GRXCR1: variants seen among roughly 807,000 people sequenced by gnomAD.
The protein encoded by GRXCR1 is glutaredoxin domain-containing cysteine-rich protein 1.
A neutral mutation model predicts 27.3 loss-of-function variants in GRXCR1; 27 were observed. That is an observed-to-expected ratio of 0.99 (90% CI 0.73 to 1.37). The LOEUF (loss-of-function observed/expected upper bound fraction) is 1.37, where lower values mean the gene tolerates loss of function less well. GRXCR1 is among the 40% of genes most tolerant of loss of function. The pLI is 0.00. For missense variants in GRXCR1, 379 were observed against 354.4 expected (o/e 1.07, Z -0.56); for synonymous variants, 122 against 131.1 (o/e 0.93, Z 0.47).
At chr4:42,909,755 T>C (rs948916814) in intron 1 of GRXCR1, among the ~76,000 whole-genome samples, 1 of 152,186 alleles carries the variant, frequency 6.6e-6, no homozygotes, top group Non-Finnish European at 1.5e-5. Flanking sequence ...CTGATCATGT[T>C]ACTCCCCTGC....
At chr4:42,905,536 T>A (rs955256550) in intron 1 of GRXCR1, among the ~76,000 whole-genome samples, 6 of 152,182 alleles carry the variant, frequency 3.9e-5, no homozygotes, top group Non-Finnish European at 8.8e-5. Flanking sequence ...GTTGCTGAGT[T>A]TTTTTCGTGG....
intron 2 of GRXCR1, among the ~76,000 whole-genome samples, chr4:42,983,267 T>TACATATGGCTAGCCAGTTTTCC (rs1711545277): frequency 6.8e-6 from 1 of 147,422 alleles, no homozygotes; most frequent in Non-Finnish European, 1.5e-5. Flanking sequence ...TTCAGCTTTC[T>TACATATGGCTAGCCAGTTTTCC]ACATATGGCT....
intron 2 of GRXCR1, 56 bp from the exon 3 acceptor site, chr4:43,020,297 TA>T: frequency 8.8e-7 from 1 of 1,138,738 alleles, no homozygotes; most frequent in Non-Finnish European, 1.3e-6. Flanking sequence ...GTTAGAACTT[TA>T]TTTTCTCAAA....
intron 2 of GRXCR1, among the ~76,000 whole-genome samples, chr4:42,995,780 T>C (rs1712136285): frequency 6.6e-6 from 1 of 152,242 alleles, no homozygotes; most frequent in Admixed American, 6.5e-5. Flanking sequence ...AAACAGCATG[T>C]CACAAAAGTG....
chr4:42,987,277 T>TAGAGAGAGAGAGAGAG (rs1181869530), intron 2 of GRXCR1, among the ~76,000 whole-genome samples: 4 of 104,244 alleles, frequency 3.8e-5, no homozygotes, highest in African/African-American at 1.5e-4. Flanking sequence ...TATATATATA[T>TAGAGAGAGAGAGAGAG]AGAGAGAGAG....
chr4:43,024,213 T>TTTTTTTTTG (rs1713183239), intron 3 of GRXCR1, among the ~76,000 whole-genome samples: 1 of 150,310 alleles, frequency 6.7e-6, no homozygotes, highest in African/African-American at 2.4e-5. Flanking sequence ...TTTTTTTTTT[T>TTTTTTTTTG]GGTAAAGCTT....
intron 1 of GRXCR1, among the ~76,000 whole-genome samples, chr4:42,950,992 G>C (rs1747870931): frequency 6.6e-6 from 1 of 151,984 alleles, no homozygotes; most frequent in African/African-American, 2.4e-5. Context: ...TAGGCTCATG[G>C]GATTATGGAG....
intron 2 of GRXCR1, among the ~76,000 whole-genome samples, chr4:42,976,512 G>T (rs1748525017): frequency 6.6e-6 from 1 of 151,866 alleles, no homozygotes; most frequent in South Asian, 2.1e-4. Flanking sequence ...GTATAGGTCA[G>T]TAAATTATTA....
At chr4:42,912,383 A>G (rs1577902508) in intron 1 of GRXCR1, among the ~76,000 whole-genome samples, 2 of 152,166 alleles carry the variant, frequency 1.3e-5, no homozygotes, top group African/African-American at 4.8e-5. Context: ...ATATTGACAC[A>G]TTGTGATTTG....
At chr4:43,000,002 C>CT (rs1298182418) in intron 2 of GRXCR1, among the ~76,000 whole-genome samples, 1 of 152,200 alleles carries the variant, frequency 6.6e-6, no homozygotes, top group Non-Finnish European at 1.5e-5. Context: ...TCACAGTCAA[C>CT]TGCAGTTTGA....
chr4:42,952,772 T>C (rs1231015850), intron 1 of GRXCR1, among the ~76,000 whole-genome samples: 1 of 152,066 alleles, frequency 6.6e-6, no homozygotes, highest in Non-Finnish European at 1.5e-5. Flanking sequence ...CTAAGGAAGC[T>C]ACACAAAGGG....
intron 2 of GRXCR1, among the ~76,000 whole-genome samples, chr4:42,986,964 T>C (rs999895535): frequency 6.6e-6 from 1 of 150,476 alleles, no homozygotes; most frequent in Non-Finnish European, 1.5e-5. Flanking sequence ...TTAAACACAG[T>C]CCCTGCCATC....
intron 2 of GRXCR1, among the ~76,000 whole-genome samples, chr4:42,971,902 A>G (rs1177162027): frequency 1.3e-5 from 2 of 152,130 alleles, no homozygotes; most frequent in African/African-American, 4.8e-5. Flanking sequence ...ACTTTAAAAA[A>G]CATCTCTGAT....
chr4:42,932,856 A>T (rs1747362240), intron 1 of GRXCR1, among the ~76,000 whole-genome samples: 2 of 151,528 alleles, frequency 1.3e-5, no homozygotes, highest in Non-Finnish European at 2.9e-5. Flanking sequence ...AGTAGTTGGG[A>T]GAATGTACTC....
At chr4:43,010,021 ATTG>A (rs1025419249) in intron 2 of GRXCR1, among the ~76,000 whole-genome samples, 38 of 152,214 alleles carry the variant, frequency 2.5e-4, no homozygotes, top group African/African-American at 8.4e-4. Flanking sequence ...ACTCTTCTAT[ATTG>A]TTGTACCTCC....
chr4:42,920,219 G>A (rs1487853791), intron 1 of GRXCR1, among the ~76,000 whole-genome samples: 1 of 152,134 alleles, frequency 6.6e-6, no homozygotes, highest in African/African-American at 2.4e-5. Context: ...GGTGAAGGAT[G>A]AAGGAAGAGG....
intron 2 of GRXCR1, among the ~76,000 whole-genome samples, chr4:43,014,027 C>T (rs151312603): frequency 4.4e-4 from 65 of 146,804 alleles, no homozygotes; most frequent in African/African-American, 1.6e-3. Context: ...CATTTTCTGA[C>T]ACCCAAAGGT....
At chr4:42,924,408 G>C (rs1210945072) in intron 1 of GRXCR1, among the ~76,000 whole-genome samples, 1 of 151,996 alleles carries the variant, frequency 6.6e-6, no homozygotes, top group African/African-American at 2.4e-5. Context: ...ATCTCTGCAG[G>C]AGAGGCAAAA....
intron 1 of GRXCR1, among the ~76,000 whole-genome samples, chr4:42,908,658 G>A (rs1746650676): frequency 6.6e-6 from 1 of 152,176 alleles, no homozygotes; most frequent in East Asian, 1.9e-4. Context: ...GATGGGGGAT[G>A]CGCATCAAAA....
Sources: gnomAD v4.1 joint callset for allele counts (sites outside exome capture counted in the v4.1 genomes callset) on GRCh38, gnomAD v4.1.1 for gene constraint, MANE v1.5 for transcripts, NCBI Gene and HGNC (gene_info 2026-07-23, HGNC 2026-07-21) for gene names.